The following TTLL11 variants were observed in gnomAD, a reference collection of about 807,000 sequenced individuals.
The protein encoded by TTLL11 is tubulin tyrosine ligase like 11, also known as tubulin polyglutamylase TTLL11.
Under a neutral mutation model 51.7 loss-of-function variants are expected in TTLL11, and 42 were observed. The observed-to-expected ratio is 0.81, with a 90% CI of 0.64 to 1.05. The LOEUF is 1.05. Ranked by LOEUF, TTLL11 falls within the 50% of genes least tolerant of loss-of-function variation. The pLI, the probability that TTLL11 is intolerant of heterozygous loss-of-function variation, is 0.00. For missense variants in TTLL11, 799 were observed against 940.4 expected, an observed-to-expected ratio of 0.85 and a Z score of 1.97; for synonymous variants, 381 against 383.5, an observed-to-expected ratio of 0.99 and a Z score of 0.08.
chr9:121,884,601 C>T (rs1458851792), intron 6 of TTLL11: 2 of 152,168 alleles, frequency 1.3e-5, no homozygotes, highest in Non-Finnish European at 2.9e-5. Context: ...AAAAAAAAAC[C>T]ACTGGCAAAT....
intron 6 of TTLL11, among the ~76,000 whole-genome samples, chr9:121,921,674 A>T (rs1840550179): frequency 6.6e-6 from 1 of 152,212 alleles, no homozygotes; most frequent in Admixed American, 6.5e-5. Flanking sequence ...CAGCTTTAGT[A>T]ATCACAAGTT....
intron 1 of TTLL11, among the ~76,000 whole-genome samples, chr9:122,071,125 C>A (rs1216892373): frequency 6.6e-6 from 1 of 152,184 alleles, no homozygotes; most frequent in Non-Finnish European, 1.5e-5. Context: ...CTATCCAGTG[C>A]CTGGCTTAGA....
intron 1 of TTLL11, among the ~76,000 whole-genome samples, chr9:122,073,457 T>C (rs572804272): frequency 6.6e-6 from 1 of 151,952 alleles, no homozygotes; most frequent in African/African-American, 2.4e-5. Flanking sequence ...AGAAAGAAAA[T>C]CAAACAAGCA....
chr9:122,088,569 G>A (rs1441439445), intron 1 of TTLL11, among the ~76,000 whole-genome samples: 3 of 152,128 alleles, frequency 2.0e-5, no homozygotes, highest in African/African-American at 7.2e-5. Flanking sequence ...ACACAATAAG[G>A]CATTTACTTT....
chr9:122,039,122 C>T (rs2131823938), intron 2 of TTLL11, 150 bp downstream of exon 2: 1 of 630,180 alleles, frequency 1.6e-6, no homozygotes, highest in Non-Finnish European at 2.7e-6. Flanking sequence ...GTCTCCAATC[C>T]TTAAAACCTT....
At chr9:121,938,322 A>G (rs1478987930) in intron 6 of TTLL11, among the ~76,000 whole-genome samples, 1 of 151,870 alleles carries the variant, frequency 6.6e-6, no homozygotes, top group Non-Finnish European at 1.5e-5. Context: ...GAATATGACA[A>G]GCATGTCCAC....
Position 121,822,648 on chromosome 9 carries a change from T to G in TTLL11, c.2072A>C (p.Asn691Thr). The change falls in exon 9 of 9, where the codon AAC (asparagine) becomes ACC (threonine). Residue 691 changes from asparagine to threonine, a missense_variant. Around this residue, in one of 3 missense-constraint regions of TTLL11, gnomAD observed 165 missense variants for 166.1 expected, o/e 0.99. Coordinates refer to ENST00000321582, the MANE Select transcript of TTLL11 (RefSeq NM_001139442.2). This position sits in a 1 kb window ranked among gnomAD's most constrained non-coding sequence, Gnocchi z 5.8. The part of the protein sequence containing the change: ...PSPSAQPAGD[N>T]PPPRTSCANK... ...GGCACAGCTGGTGCGGGGTGGGGGG[T>G]TGTCCCCTGCTGGCTGGGCCGAGGG... is the stretch of plus-strand genomic sequence containing the variant. The G allele has an allele frequency of 1.3e-6, 2 of 1,519,316 alleles. No homozygotes were observed. Among genetic ancestry groups the G allele is most frequent in the Non-Finnish European group, 1.8e-6 (2 of 1,132,514 alleles). 94.1% of individuals were successfully genotyped at this position (1,519,316 alleles called of 1,614,324 possible).
chr9:121,828,276 G>A (rs975122700), intron 8 of TTLL11, among the ~76,000 whole-genome samples: 5 of 151,038 alleles, frequency 3.3e-5, no homozygotes, highest in African/African-American at 9.8e-5. Context: ...AGGTTCAAGC[G>A]ATTCTCCTGC....
chr9:121,870,394 C>G, intron 7 of TTLL11, 103 bp downstream of exon 7: 1 of 1,430,806 alleles, frequency 7.0e-7, no homozygotes. Flanking sequence ...TGACCCAGCA[C>G]CACAGATTCT....
At chr9:121,906,773 G>T (rs1839963872) in intron 6 of TTLL11, among the ~76,000 whole-genome samples, 1 of 152,164 alleles carries the variant, frequency 6.6e-6, no homozygotes, top group South Asian at 2.1e-4. Flanking sequence ...GTTCCAAAAT[G>T]AAAAGTACAT....
intron 8 of TTLL11, 149 bp from the exon 9 acceptor site, chr9:121,823,028 C>G: frequency 1.0e-6 from 1 of 994,866 alleles, no homozygotes; most frequent in Non-Finnish European, 1.4e-6. Flanking sequence ...AGGGCTAACT[C>G]ACTCACAGAG....
At chr9:121,939,928 C>T (rs1188280374) in intron 6 of TTLL11, among the ~76,000 whole-genome samples, 1 of 152,076 alleles carries the variant, frequency 6.6e-6, no homozygotes, top group South Asian at 2.1e-4. Context: ...CAGAGGGGAG[C>T]AGGGAAAGAG....
intron 1 of TTLL11, among the ~76,000 whole-genome samples, chr9:122,066,249 T>G (rs1408267092): frequency 6.6e-6 from 1 of 151,776 alleles, no homozygotes; most frequent in Non-Finnish European, 1.5e-5. Context: ...GTGGTAGGCT[T>G]GTAGGGTTTA....
intron 6 of TTLL11, among the ~76,000 whole-genome samples, chr9:121,871,412 A>G (rs920168141): frequency 2.6e-5 from 4 of 152,114 alleles, no homozygotes; most frequent in Non-Finnish European, 5.9e-5. Context: ...CCCCAAATCT[A>G]TGTCTCCCAT....
intron 6 of TTLL11, among the ~76,000 whole-genome samples, chr9:121,930,572 T>G (rs927790853): frequency 6.6e-6 from 1 of 152,188 alleles, no homozygotes; most frequent in Non-Finnish European, 1.5e-5. Context: ...CCTCCCAGAT[T>G]ACCTGCTGCA....
chr9:122,036,327 G>A (rs1844701422), intron 2 of TTLL11, among the ~76,000 whole-genome samples: 1 of 151,830 alleles, frequency 6.6e-6, no homozygotes, highest in Non-Finnish European at 1.5e-5. Context: ...CCTGCCATGT[G>A]ATGCCATACA....
chr9:121,827,464 G>A (rs892030804), intron 8 of TTLL11, among the ~76,000 whole-genome samples: 3 of 152,092 alleles, frequency 2.0e-5, no homozygotes, highest in Admixed American at 2.0e-4. Context: ...CCCAGCTCTG[G>A]GACTGGAGCC....
At chr9:122,026,088 T>C (rs1443826008) in intron 3 of TTLL11, among the ~76,000 whole-genome samples, 1 of 152,078 alleles carries the variant, frequency 6.6e-6, no homozygotes, top group Non-Finnish European at 1.5e-5. Flanking sequence ...CAAAGTTATC[T>C]TGACAGAAAG....
intron 8 of TTLL11, among the ~76,000 whole-genome samples, chr9:121,847,995 G>GT (rs1398494054): frequency 4.2e-4 from 64 of 152,150 alleles, no homozygotes; most frequent in Non-Finnish European, 2.9e-5. Context: ...GAGTCCAGGA[G>GT]TTTGAGACCA....
Sources: allele counts gnomAD v4.1 joint callset (sites outside exome capture counted in the v4.1 genomes callset), GRCh38; gene constraint gnomAD v4.1.1; regional missense constraint gnomAD v4.1.1; non-coding constraint Gnocchi (gnomAD v3.1); transcripts MANE v1.5; gene names NCBI Gene and HGNC (gene_info 2026-07-23, HGNC 2026-07-21).